The following SLC26A5 variants were observed in gnomAD, a reference collection of about 807,000 sequenced individuals.
The protein encoded by SLC26A5 is solute carrier family 26 member 5, also known as prestin.
A neutral mutation model predicts 81.0 loss-of-function variants in SLC26A5; 51 were observed. That is an observed-to-expected ratio of 0.63 (90% CI 0.50 to 0.80). The LOEUF (loss-of-function observed/expected upper bound fraction) is 0.80. Among genes scored for constraint, SLC26A5 ranks in the 30% least tolerant of loss-of-function variants. SLC26A5 has a pLI of 0.00. For synonymous variants in SLC26A5, 325 were observed against 332.8 expected (o/e 0.98, Z 0.25); for missense variants, 771 against 905.8 (o/e 0.85, Z 1.91).
At chr7:103,415,609 C>T (rs1398423933) in intron 4 of SLC26A5, among the ~76,000 whole-genome samples, 4 of 152,184 alleles carry the variant, frequency 2.6e-5, no homozygotes, top group Middle Eastern at 3.2e-3. Context: ...GTTGAGAAAA[C>T]TCGTTCTAAA....
At chr7:103,399,240 C>A (rs1823387850) in intron 8 of SLC26A5, among the ~76,000 whole-genome samples, 2 of 152,240 alleles carry the variant, frequency 1.3e-5, no homozygotes, top group East Asian at 3.9e-4. Flanking sequence ...GAATTAGTAA[C>A]CCAAAGCAGG....
intron 8 of SLC26A5, among the ~76,000 whole-genome samples, chr7:103,406,193 T>C (rs1052352754): frequency 2.0e-5 from 3 of 152,170 alleles, no homozygotes; most frequent in African/African-American, 7.2e-5. Flanking sequence ...TGAATGGCTC[T>C]GTCTCACTGG....
intron 4 of SLC26A5, 52 bp downstream of exon 4, chr7:103,420,686 C>G: frequency 6.2e-7 from 1 of 1,608,106 alleles, no homozygotes; most frequent in Non-Finnish European, 8.5e-7. Context: ...AACAGAAGGT[C>G]AAGCAATTGT....
At chr7:103,402,667 C>T (rs1045095028) in intron 8 of SLC26A5, among the ~76,000 whole-genome samples, 5 of 151,898 alleles carry the variant, frequency 3.3e-5, no homozygotes, top group African/African-American at 4.8e-5. Context: ...CCAAAGTGCT[C>T]GGATTACAGG....
At chr7:103,415,310 A>G (rs1228060952) in intron 4 of SLC26A5, among the ~76,000 whole-genome samples, 1 of 152,162 alleles carries the variant, frequency 6.6e-6, no homozygotes, top group Non-Finnish European at 1.5e-5. Flanking sequence ...TTTTCTGCTC[A>G]CCCCTCTTCC....
chr7:103,434,824 G>A (rs1826336714), intron 2 of SLC26A5, among the ~76,000 whole-genome samples: 1 of 152,026 alleles, frequency 6.6e-6, no homozygotes, highest in Admixed American at 6.6e-5. Flanking sequence ...GCCAATTTTT[G>A]TATTTTTAGT....
At chr7:103,430,290 G>A (rs1825979353) in intron 2 of SLC26A5, among the ~76,000 whole-genome samples, 1 of 152,050 alleles carries the variant, frequency 6.6e-6, no homozygotes, top group Non-Finnish European at 1.5e-5. Context: ...TGCTGGCCAG[G>A]CTGGTCTCAA....
chr7:103,361,113 C>CA (rs894077630), intron 19 of SLC26A5, among the ~76,000 whole-genome samples: 4 of 141,416 alleles, frequency 2.8e-5, no homozygotes, highest in South Asian at 2.3e-4. Flanking sequence ...GACTCTGTCT[C>CA]AAAAAAAAGA....
chr7:103,386,376 G>A (rs760578035), intron 14 of SLC26A5, among the ~76,000 whole-genome samples: 1 of 152,046 alleles, frequency 6.6e-6, no homozygotes, highest in Non-Finnish European at 1.5e-5. Flanking sequence ...CACCATCCTG[G>A]CTGACACGAT....
Position 103,392,928 on chromosome 7 carries a change from GT to G in SLC26A5, c.1109del (p.Asp370AlafsTer50). On this transcript the variant is annotated frameshift_variant, in exon 10 of 20. Coordinates refer to ENST00000306312, the MANE Select transcript of SLC26A5 (RefSeq NM_198999.3). LOFTEE classifies it high-confidence loss of function. ...AACTGATTATCTTTACCTGATTGCCGTCAACCTGGTAGCCATGTTTATTTGC... is the reference window on the plus strand; with the variant it reads ...AACTGATTATCTTTACCTGATTGCCGCAACCTGGTAGCCATGTTTATTTGC... ...TLANKHGYQV[D>X]GNQELIALGL... 1 of 1,614,006 alleles carries G rather than the reference GT, an allele frequency of 6.2e-7. No homozygotes were observed. The highest frequency in any genetic ancestry group is 8.5e-7 in the Non-Finnish European group (1 of 1,179,896).
At chr7:103,425,333 A>G (rs1334345254) in intron 2 of SLC26A5, among the ~76,000 whole-genome samples, 1 of 152,214 alleles carries the variant, frequency 6.6e-6, no homozygotes, top group East Asian at 1.9e-4. Context: ...TACTTTTATA[A>G]AACACTAATG....
At chr7:103,363,904 T>A in intron 19 of SLC26A5, among the ~76,000 whole-genome samples, 1 of 152,224 alleles carries the variant, frequency 6.6e-6, no homozygotes, top group East Asian at 1.9e-4. Context: ...AAGTGCTTTT[T>A]AAAAGCCATT....
chr7:103,379,972 C>T (rs1421445405), intron 15 of SLC26A5, among the ~76,000 whole-genome samples: 2 of 151,982 alleles, frequency 1.3e-5, no homozygotes, highest in Non-Finnish European at 2.9e-5. Flanking sequence ...AGAATTTCTT[C>T]CCAAGCATAA....
intron 14 of SLC26A5, among the ~76,000 whole-genome samples, chr7:103,385,742 C>T (rs1822143773): frequency 1.3e-5 from 2 of 148,766 alleles, no homozygotes; most frequent in South Asian, 2.1e-4. Flanking sequence ...ACTCTGTCAC[C>T]CAGGCTGGAG....
At chr7:103,378,390 T>C (rs765654542) in intron 17 of SLC26A5, 56 bp downstream of exon 17, 33 of 1,514,430 alleles carry the variant, frequency 2.2e-5, no homozygotes, top group Non-Finnish European at 2.8e-5. Flanking sequence ...TGAGTAAAGA[T>C]GGAGGGCATT....
chr7:103,439,887 A>C (rs189553980), intron 2 of SLC26A5, among the ~76,000 whole-genome samples: 239 of 152,190 alleles, frequency 1.6e-3, no homozygotes, highest in Admixed American at 5.0e-3. Flanking sequence ...GGGCCTTTGC[A>C]CTGGCCAGGA....
chr7:103,430,563 C>T (rs1026238889), intron 2 of SLC26A5, among the ~76,000 whole-genome samples: 1 of 84,562 alleles, frequency 1.2e-5, no homozygotes, highest in Non-Finnish European at 2.0e-5. Context: ...GTAGGGTGAC[C>T]AAGGTCCTGG....
At chr7:103,413,198 G>T in intron 4 of SLC26A5, 86 bp from the exon 5 acceptor site, 1 of 897,420 alleles carries the variant, frequency 1.1e-6, no homozygotes, top group Non-Finnish European at 1.8e-6. Context: ...CTTTATTTCT[G>T]ATGAACGAGT....
rs184165831 is a variant in SLC26A5, at chr7:103,362,579, C to T, written c.2042-9653G>A. On this transcript the variant is annotated intron_variant, in intron 19 of 19. Transcript: ENST00000339444. ...CTCTTTATATAATTAGGGACTCTGT[C>T]TCTCTCTTGTTTTCTTAAAGTATGG... is the stretch of plus-strand genomic sequence containing the variant. 2.8e-6 allele frequency: 4 copies of T among 1,436,976 alleles called. No homozygotes were observed. In the African/African-American group the frequency reaches 4.3e-5, roughly 16 times the overall value. 89.0% of individuals were successfully genotyped at this position (1,436,976 alleles called of 1,614,324 possible). A position where few individuals can be genotyped will look rare whatever the true frequency, so the allele number is the denominator to read the frequency against.
Sources: allele counts gnomAD v4.1 joint callset (sites outside exome capture counted in the v4.1 genomes callset), GRCh38; gene constraint gnomAD v4.1.1; transcripts MANE v1.5; gene names NCBI Gene and HGNC (gene_info 2026-07-23, HGNC 2026-07-21).